Variants in AKAP6 observed in about 807,000 individuals in gnomAD.
AKAP6 encodes A-kinase anchor protein 6.
In AKAP6, 58 loss-of-function variants were observed where a neutral mutation model predicts 188.5. The ratio of observed to expected loss-of-function variants is 0.31; its 90% CI spans 0.25 to 0.38. The LOEUF (loss-of-function observed/expected upper bound fraction) is 0.38. AKAP6 is among the 10% of genes least tolerant of loss of function. The pLI is 1.00. For missense variants in AKAP6, 2,710 were observed against 2,740.0 expected (o/e 0.99, Z 0.24); for synonymous variants, 989 against 998.6 (o/e 0.99, Z 0.18).
intron 7 of AKAP6, among the ~76,000 whole-genome samples, chr14:32,611,837 C>A (rs2139386118): frequency 6.6e-6 from 1 of 151,922 alleles, no homozygotes; most frequent in South Asian, 2.1e-4. Context: ...GTTTCAGGGA[C>A]AAGAAAGATG....
chr14:32,822,452 G>A lies in AKAP6; in HGVS notation c.4639G>A (p.Glu1547Lys). 6.2e-7 allele frequency: 1 copy of A among 1,614,014 alleles called. No homozygotes were observed. The highest frequency in any genetic ancestry group is 8.5e-7 in the Non-Finnish European group (1 of 1,179,950). The change falls in exon 13 of 14, where the codon GAA (glutamate) becomes AAA (lysine). Residue 1547 changes from glutamate to lysine, a missense_variant. By Grantham distance (56) the Glu-to-Lys change is moderately conservative. Transcript: ENST00000280979. The part of the protein sequence containing the change: ...DRISYKSGNI[E>K]KTFTGMQNAK... ...CATTTCATATAAAAGTGGCAATATA[G>A]AAAAGACATTCACTGGCATGCAGAA...
chr14:32,451,505 A>C (rs1229419206), intron 2 of AKAP6, among the ~76,000 whole-genome samples: 1 of 152,188 alleles, frequency 6.6e-6, no homozygotes, highest in Non-Finnish European at 1.5e-5. Flanking sequence ...AAGTACAGAA[A>C]CTATGTGTAT....
At chr14:32,515,076 A>T (rs1881450712) in intron 2 of AKAP6, among the ~76,000 whole-genome samples, 1 of 152,200 alleles carries the variant, frequency 6.6e-6, no homozygotes, top group Non-Finnish European at 1.5e-5. Context: ...GGTAATTTAT[A>T]AAGGAAAGAG....
intron 3 of AKAP6, among the ~76,000 whole-genome samples, chr14:32,544,968 G>A (rs1368983674): frequency 2.0e-5 from 3 of 152,096 alleles, no homozygotes; most frequent in Non-Finnish European, 4.4e-5. Context: ...AGTCAAGAAT[G>A]GATTTTTTTG....
intron 1 of AKAP6, among the ~76,000 whole-genome samples, chr14:32,385,929 A>G (rs1348676795): frequency 6.7e-6 from 1 of 148,738 alleles, no homozygotes; most frequent in African/African-American, 2.4e-5. Context: ...ATTATAGTTC[A>G]TATATTATAT....
chr14:32,712,755 G>T lies in AKAP6; in HGVS notation c.3000+16645G>T, dbSNP rs543840525. Among the ~76,000 whole-genome samples, 6 of 152,152 alleles carry T rather than the reference G, an allele frequency of 3.9e-5. No individual in the cohort carries two copies. In the East Asian group the frequency reaches 1.2e-3, roughly 29 times the overall value. On this transcript the variant is annotated intron_variant, in intron 9 of 13. Coordinates refer to ENST00000280979, the MANE Select transcript of AKAP6 (RefSeq NM_004274.5). Reference sequence around the variant, plus strand: ...CTCTACCTCCAATTCTAGTTCTCTTGCTATTTCCACCACATCTGCTATTAC... The same window carrying T: ...CTCTACCTCCAATTCTAGTTCTCTTTCTATTTCCACCACATCTGCTATTAC...
intron 2 of AKAP6, among the ~76,000 whole-genome samples, chr14:32,465,490 A>G (rs1039926756): frequency 2.6e-5 from 4 of 152,224 alleles, no homozygotes; most frequent in African/African-American, 9.6e-5. Context: ...CAATGGGGCA[A>G]GGATTCCCTA....
rs10147063 is a variant in AKAP6 at position 32,761,750 on chromosome 14, C to T, written c.3373-11928C>T. ...ATTCTTTTTTCAGAGAGTTTACTGA[C>T]GGGGTGTATGGCACCGTACCCTCTC... On this transcript the variant is annotated intron_variant, in intron 11 of 13. Coordinates refer to ENST00000280979, the MANE Select transcript of AKAP6 (RefSeq NM_004274.5). Among the ~76,000 whole-genome samples, 1,356 of 152,096 alleles carry T rather than the reference C, an allele frequency of 8.9e-3. 24 individuals carry two copies. Among genetic ancestry groups the T allele is most frequent in the African/African-American group, 0.031 (1,291 of 41,494 alleles).
chr14:32,582,794 T>G (rs1432330331), intron 5 of AKAP6, among the ~76,000 whole-genome samples: 3 of 152,240 alleles, frequency 2.0e-5, no homozygotes, highest in Non-Finnish European at 4.4e-5. Flanking sequence ...CTCCTGAGGC[T>G]TCTGCATTCT....
chr14:32,755,646 G>C (rs1419814804), intron 11 of AKAP6, among the ~76,000 whole-genome samples: 1 of 151,934 alleles, frequency 6.6e-6, no homozygotes, highest in East Asian at 1.9e-4. Flanking sequence ...CTCCACCTTA[G>C]CCTCCTGAGT....
chr14:32,523,103 C>T (rs924093895), intron 2 of AKAP6, among the ~76,000 whole-genome samples: 7 of 150,842 alleles, frequency 4.6e-5, no homozygotes, highest in African/African-American at 1.7e-4. Context: ...CGCATGTTCT[C>T]ACTCATAGGT....
At chr14:32,412,336 C>T (rs1403804793) in intron 1 of AKAP6, among the ~76,000 whole-genome samples, 2 of 152,162 alleles carry the variant, frequency 1.3e-5, no homozygotes, top group African/African-American at 4.8e-5. Flanking sequence ...CTGAGTGAGA[C>T]ACCATGTAGG....
chr14:32,540,879 A>ATT (rs57000522), intron 3 of AKAP6, among the ~76,000 whole-genome samples: 97 of 145,048 alleles, frequency 6.7e-4, no homozygotes, highest in South Asian at 2.2e-3. Flanking sequence ...TCAGGGAGGG[A>ATT]TTTTTTTTTT....
intron 12 of AKAP6, among the ~76,000 whole-genome samples, chr14:32,814,381 G>C (rs2034324623): frequency 1.3e-5 from 2 of 152,156 alleles, no homozygotes; most frequent in African/African-American, 2.4e-5. Flanking sequence ...GAAACCCCAA[G>C]CCTGTAAAGC....
At chr14:32,755,260 TTTC>T (rs1012425019) in intron 11 of AKAP6, among the ~76,000 whole-genome samples, 2 of 152,060 alleles carry the variant, frequency 1.3e-5, no homozygotes, top group African/African-American at 2.4e-5. Context: ...TGTGGTTTTT[TTTC>T]TTCTTCTTGA....
chr14:32,786,116 C>T (rs550624170), intron 12 of AKAP6, among the ~76,000 whole-genome samples: 3 of 152,012 alleles, frequency 2.0e-5, no homozygotes, highest in Admixed American at 6.6e-5. Context: ...GAAACAACCC[C>T]GTATGCAGAC....
At chr14:32,584,103 C>T (rs1885116355) in intron 5 of AKAP6, among the ~76,000 whole-genome samples, 1 of 152,204 alleles carries the variant, frequency 6.6e-6, no homozygotes, top group Admixed American at 6.5e-5. Flanking sequence ...GGAGCTGTTC[C>T]TATTTGGCCA....
intron 1 of AKAP6, among the ~76,000 whole-genome samples, chr14:32,348,408 C>CTT (rs1235466012): frequency 3.3e-4 from 29 of 88,722 alleles, no homozygotes; most frequent in South Asian, 4.1e-4. Context: ...TCTTTCTTTT[C>CTT]TTTTGTTTCT....
rs377092047 is a variant in AKAP6 at position 32,672,948 on chromosome 14, G to A, written c.2731-5363G>A. On this transcript the variant is annotated intron_variant, in intron 7 of 13. Coordinates refer to ENST00000280979, the MANE Select transcript of AKAP6 (RefSeq NM_004274.5). Reference sequence around the variant, plus strand: ...TAAGGCCATCACAGAAATGACAATAGCTTCCGCTGGCACTTCATTGTGGCC... The same window carrying A: ...TAAGGCCATCACAGAAATGACAATAACTTCCGCTGGCACTTCATTGTGGCC... Among the ~76,000 whole-genome samples the A allele has an allele frequency of 5.2e-4, 79 of 152,290 alleles. 2 individuals are homozygous for A. The East Asian group carries it at 8.1e-3, about 16-fold the overall frequency.
Sources: gnomAD v4.1 joint callset for allele counts (sites outside exome capture counted in the v4.1 genomes callset) on GRCh38, gnomAD v4.1.1 for gene constraint, MANE v1.5 for transcripts, NCBI Gene and HGNC (gene_info 2026-07-23, HGNC 2026-07-21) for gene names.